COX16: variants seen among roughly 807,000 people sequenced by gnomAD.
COX16 encodes cytochrome c oxidase assembly protein COX16 homolog, mitochondrial.
COX16 carries 12 observed loss-of-function variants against 15.4 expected under a neutral mutation model. The observed-to-expected ratio is 0.78, with a 90% confidence interval of 0.50 to 1.26. The LOEUF (loss-of-function observed/expected upper bound fraction) is 1.26, where lower values mean the gene tolerates loss of function less well. Among genes scored for constraint, COX16 ranks in the 50% most tolerant of loss-of-function variants. COX16 has a pLI of 0.00. For missense variants in COX16, 124 were observed against 127.6 expected, an observed-to-expected ratio of 0.97 and a Z score of 0.14; for synonymous variants, 46 against 41.1, an observed-to-expected ratio of 1.12 and a Z score of -0.46.
At chr14:70,353,656 G>A (rs1389877284) in intron 1 of COX16, among the ~76,000 whole-genome samples, 1 of 151,648 alleles carries the variant, frequency 6.6e-6, no homozygotes, top group Non-Finnish European at 1.5e-5. Context: ...TGGGACCACA[G>A]GCGCCTGCCA....
chr14:70,335,080 A>G (rs1332195668), intron 2 of COX16, among the ~76,000 whole-genome samples: 1 of 152,132 alleles, frequency 6.6e-6, no homozygotes, highest in Non-Finnish European at 1.5e-5. Context: ...AAATAGACTT[A>G]AGTCAAAAAC....
chr14:70,354,289 A>G (rs754089163), intron 1 of COX16, among the ~76,000 whole-genome samples: 47 of 152,258 alleles, frequency 3.1e-4, no homozygotes, highest in Non-Finnish European at 5.1e-4. Context: ...GTCAAAATGT[A>G]AGATTTGTAT....
chr14:70,329,721 C>CAAAAAAAAAAAAAAAAAAAAA (rs199721497), intron 2 of COX16, among the ~76,000 whole-genome samples: 1 of 117,970 alleles, frequency 8.5e-6, no homozygotes. Flanking sequence ...AGATATCTAC[C>CAAAAAAAAAAAAAAAAAAAAA]AAAAAAAAAA....
intron 3 of COX16, chr14:70,328,097 T>TTTTTTTTTTTTTTTTTTTTA (rs1886149105): frequency 1.7e-5 from 2 of 116,142 alleles, no homozygotes; most frequent in East Asian, 2.6e-4. Flanking sequence ...TTTTTTTTTT[T>TTTTTTTTTTTTTTTTTTTTA]GAGACGGAGT....
chr14:70,332,824 T>C (rs1443453049), intron 2 of COX16, among the ~76,000 whole-genome samples: 1 of 152,226 alleles, frequency 6.6e-6, no homozygotes, highest in East Asian at 1.9e-4. Flanking sequence ...ATCCTGCCTA[T>C]GCAGAGAACT....
At chr14:70,344,022 G>T (rs574770123) in intron 1 of COX16, among the ~76,000 whole-genome samples, 56 of 152,304 alleles carry the variant, frequency 3.7e-4, no homozygotes, top group Admixed American at 2.2e-3. Flanking sequence ...GGACTCATAG[G>T]GGGCAAAGTG....
chr14:70,355,334 T>C (rs1022153806), intron 1 of COX16, among the ~76,000 whole-genome samples: 14 of 152,224 alleles, frequency 9.2e-5, no homozygotes, highest in African/African-American at 3.4e-4. Flanking sequence ...TCACTCTTTC[T>C]TAGTCTCCTT....
In COX16 at chr14:70,337,080, G is replaced by A. The variant is rs1886478686; in HGVS notation, c.141+5578C>T. Reference sequence around the variant, plus strand: ...AAGGTTTGAAACCAGGCAGATGGCTGCTACTGGAGGTCACAGAAACCACCA... The same window carrying A: ...AAGGTTTGAAACCAGGCAGATGGCTACTACTGGAGGTCACAGAAACCACCA... On this transcript the variant is annotated intron_variant, in intron 2 of 3. Transcript: ENST00000389912. Among the ~76,000 whole-genome samples, 4 of 152,220 alleles carry A rather than the reference G, an allele frequency of 2.6e-5. 1 individual carries two copies. In the South Asian group the frequency reaches 8.3e-4, roughly 32 times the overall value.
intron 1 of COX16, among the ~76,000 whole-genome samples, chr14:70,344,404 C>T (rs1274746250): frequency 6.6e-6 from 1 of 152,254 alleles, no homozygotes; most frequent in Admixed American, 6.5e-5. Context: ...CAGGAATGAA[C>T]AAGGGCAGCT....
At chr14:70,339,460 A>G (rs1466177472) in intron 2 of COX16, among the ~76,000 whole-genome samples, 2 of 152,052 alleles carry the variant, frequency 1.3e-5, no homozygotes, top group Admixed American at 6.6e-5. Flanking sequence ...CAAGCAAACA[A>G]TGACGGTTGG....
At chr14:70,350,424 T>C (rs11620731) in intron 1 of COX16, among the ~76,000 whole-genome samples, 129,285 of 152,162 alleles carry the variant, frequency 0.85, 54,956 homozygotes, top group East Asian at 0.93. Context: ...TGTTGCTCCA[T>C]ACCGCCTCAG....
intron 2 of COX16, among the ~76,000 whole-genome samples, chr14:70,331,596 A>C (rs1594908717): frequency 1.3e-5 from 2 of 152,250 alleles, no homozygotes; most frequent in Non-Finnish European, 2.9e-5. Context: ...TTCGTAACAC[A>C]CCCACCAGAA....
chr14:70,326,632 A>G (rs1241889740), intron 3 of COX16, among the ~76,000 whole-genome samples, 183 bp from the exon 4 acceptor site: 1 of 151,970 alleles, frequency 6.6e-6, no homozygotes, highest in Non-Finnish European at 1.5e-5. Flanking sequence ...AGAACTTTTC[A>G]TTTGTTACTG....
intron 1 of COX16, among the ~76,000 whole-genome samples, chr14:70,349,796 C>T (rs904432020): frequency 3.9e-5 from 6 of 152,184 alleles, no homozygotes; most frequent in Non-Finnish European, 7.3e-5. Flanking sequence ...GAATTACCTT[C>T]CCTCCTTAAT....
intron 1 of COX16, among the ~76,000 whole-genome samples, chr14:70,343,465 C>T (rs1040714762): frequency 6.6e-6 from 1 of 152,118 alleles, no homozygotes; most frequent in African/African-American, 2.4e-5. Context: ...TAAAACTTGC[C>T]ATTTTTTCCT....
chr14:70,332,460 A>G (rs1035028629), intron 2 of COX16, among the ~76,000 whole-genome samples: 53 of 152,056 alleles, frequency 3.5e-4, no homozygotes, highest in African/African-American at 1.3e-3. Flanking sequence ...AACAAGATCC[A>G]GCTCTCTAGC....
chr14:70,342,866 AC>A, intron 1 of COX16, 137 bp from the exon 2 acceptor site: 1 of 867,960 alleles, frequency 1.2e-6, no homozygotes, highest in Non-Finnish European at 1.8e-6. Flanking sequence ...CTGGTGAGTC[AC>A]CATTCATCTT....
At chr14:70,331,399 T>G (rs190352613) in intron 2 of COX16, among the ~76,000 whole-genome samples, 1 of 151,612 alleles carries the variant, frequency 6.6e-6, no homozygotes, top group African/African-American at 2.4e-5. Context: ...ATAAAAAGAC[T>G]CCTAAAAAAT....
intron 2 of COX16, among the ~76,000 whole-genome samples, chr14:70,329,963 A>G (rs1886229022): frequency 6.6e-6 from 1 of 152,108 alleles, no homozygotes; most frequent in African/African-American, 2.4e-5. Flanking sequence ...ATTTTACAAA[A>G]GCTAGACCTA....
Sources: allele counts gnomAD v4.1 joint callset (sites outside exome capture counted in the v4.1 genomes callset), GRCh38; gene constraint gnomAD v4.1.1; transcripts MANE v1.5; gene names NCBI Gene and HGNC (gene_info 2026-07-23, HGNC 2026-07-21).